HNF4G: variants seen among roughly 807,000 people sequenced by gnomAD.
HNF4G encodes hepatocyte nuclear factor 4 gamma.
In HNF4G, 21 loss-of-function variants were observed where a neutral mutation model predicts 50.9. That is an observed-to-expected ratio of 0.41 (90% CI 0.29 to 0.59). The LOEUF (loss-of-function observed/expected upper bound fraction) is 0.59. Among genes scored for constraint, HNF4G ranks in the 20% least tolerant of loss-of-function variants. HNF4G has a pLI of 0.26. For missense variants in HNF4G, 527 were observed against 559.4 expected, an observed-to-expected ratio of 0.94 and a Z score of 0.58; for synonymous variants, 198 against 185.6, an observed-to-expected ratio of 1.07 and a Z score of -0.54.
At chr8:75,498,803 A>G (rs1812849273) in intron 2 of HNF4G, among the ~76,000 whole-genome samples, 1 of 152,128 alleles carries the variant, frequency 6.6e-6, no homozygotes, top group South Asian at 2.1e-4. Context: ...CCACATGATC[A>G]TCTCAGTAGA....
chr8:75,559,613 C>T (rs111465493), intron 8 of HNF4G, among the ~76,000 whole-genome samples: 2 of 152,212 alleles, frequency 1.3e-5, no homozygotes, highest in Admixed American at 6.5e-5. Context: ...CTCTATTCCA[C>T]AGTCCCTCTG....
intron 2 of HNF4G, among the ~76,000 whole-genome samples, chr8:75,507,999 C>A (rs1585906190): frequency 6.8e-6 from 1 of 145,990 alleles, no homozygotes. Context: ...ATATAATGAA[C>A]AGAATAAAAT....
chr8:75,454,950 T>C (rs558792984), intron 1 of HNF4G, among the ~76,000 whole-genome samples: 199 of 152,304 alleles, frequency 1.3e-3, no homozygotes, highest in African/African-American at 4.5e-3. Context: ...AAACACACTA[T>C]ATAGAAACAC....
intron 2 of HNF4G, among the ~76,000 whole-genome samples, chr8:75,497,886 T>C (rs1276523167): frequency 1.3e-5 from 2 of 152,096 alleles, no homozygotes; most frequent in East Asian, 3.8e-4. Flanking sequence ...TCAAAAAATG[T>C]ATAAACACTA....
chr8:75,533,653 C>A (rs1442458995), intron 2 of HNF4G, among the ~76,000 whole-genome samples: 1 of 151,730 alleles, frequency 6.6e-6, no homozygotes, highest in Non-Finnish European at 1.5e-5. Context: ...AGAAACCAAC[C>A]AACACTATTT....
intron 1 of HNF4G, among the ~76,000 whole-genome samples, chr8:75,541,691 T>C (rs1412981877): frequency 6.6e-6 from 1 of 152,084 alleles, no homozygotes; most frequent in Non-Finnish European, 1.5e-5. Context: ...GAAGTTTTAT[T>C]ACATATATTT....
intron 2 of HNF4G, among the ~76,000 whole-genome samples, chr8:75,526,206 GA>G: frequency 6.6e-6 from 1 of 151,790 alleles, no homozygotes; most frequent in African/African-American, 2.4e-5. Context: ...ATGGCTCACT[GA>G]AACCTCAATC....
intron 2 of HNF4G, among the ~76,000 whole-genome samples, chr8:75,501,591 T>C (rs1398914324): frequency 6.6e-6 from 1 of 152,194 alleles, no homozygotes; most frequent in Non-Finnish European, 1.5e-5. Context: ...TCAGTAATAG[T>C]GTGTAGACAT....
intron 7 of HNF4G, 65 bp downstream of exon 7, chr8:75,558,735 A>T: frequency 6.3e-7 from 1 of 1,579,472 alleles, no homozygotes; most frequent in Admixed American, 1.7e-5. Flanking sequence ...TCAATATTAG[A>T]ATATTTATTG....
intron 1 of HNF4G, among the ~76,000 whole-genome samples, chr8:75,480,004 GA>G (rs1812337742): frequency 1.3e-5 from 2 of 151,440 alleles, no homozygotes; most frequent in East Asian, 3.9e-4. Flanking sequence ...TGATGTTATA[GA>G]AAAAAGTGTT....
intron 2 of HNF4G, among the ~76,000 whole-genome samples, chr8:75,532,750 A>G (rs1806362035): frequency 6.6e-6 from 1 of 152,184 alleles, no homozygotes; most frequent in East Asian, 1.9e-4. Flanking sequence ...TCCCACTGAA[A>G]TACCCATGAC....
At position 75,547,615 on chromosome 8, in the gene HNF4G, G is replaced by A. The variant is rs753631527; in HGVS notation, c.316G>A (p.Asp106Asn). 1 of 1,611,956 alleles carries A rather than the reference G, an allele frequency of 6.2e-7. No individual in the cohort carries two copies. ...CAGTCGGCAATGTGTTGTTGACAAGGACAAAAGGAATCAATGTAGATATTG... is the reference window on the plus strand; with the variant it reads ...CAGTCGGCAATGTGTTGTTGACAAGAACAAAAGGAATCAATGTAGATATTG... ...RFSRQCVVDK[D>N]KRNQCRYCRL... The change falls in exon 3 of 10, where the codon GAC (aspartate) becomes AAC (asparagine). Residue 106 changes from aspartate (D) to asparagine (N), a missense_variant. Around this residue, in one of 5 missense-constraint regions of HNF4G, gnomAD observed 128 missense variants for 135.3 expected, o/e 0.95. Coordinates refer to ENST00000396423, the MANE Select transcript of HNF4G (RefSeq NM_004133.5).
chr8:75,481,121 C>G (rs1482418640), intron 1 of HNF4G, among the ~76,000 whole-genome samples: 2 of 152,140 alleles, frequency 1.3e-5, no homozygotes, highest in African/African-American at 4.8e-5. Flanking sequence ...CCACACAATT[C>G]TGACTTTGTA....
chr8:75,483,525 A>C (rs1186785170), intron 1 of HNF4G, among the ~76,000 whole-genome samples: 1 of 152,084 alleles, frequency 6.6e-6, no homozygotes, highest in Admixed American at 6.5e-5. Context: ...TTCTTTTCTC[A>C]GCTTTTGTTA....
At chr8:75,552,565 A>G (rs1563552213) in intron 4 of HNF4G, among the ~76,000 whole-genome samples, 1 of 152,126 alleles carries the variant, frequency 6.6e-6, no homozygotes, top group Non-Finnish European at 1.5e-5. Context: ...ATGCAGCGAG[A>G]CAAATAGTTC....
At chr8:75,537,680 A>C (rs150942280), upstream of HNF4G, among the ~76,000 whole-genome samples, 2 of 152,154 alleles carry the variant, frequency 1.3e-5, no homozygotes, top group East Asian at 3.9e-4. Context: ...TTTGCTTTGG[A>C]TTGCCTTATG....
At chr8:75,474,292 G>A (rs1167673666) in intron 1 of HNF4G, among the ~76,000 whole-genome samples, 1 of 152,152 alleles carries the variant, frequency 6.6e-6, no homozygotes, top group Non-Finnish European at 1.5e-5. Context: ...TACTACTTTT[G>A]TGTTAGTAAC....
intron 1 of HNF4G, among the ~76,000 whole-genome samples, chr8:75,472,124 T>C (rs1478360649): frequency 6.6e-6 from 1 of 152,192 alleles, no homozygotes; most frequent in African/African-American, 2.4e-5. Flanking sequence ...CCTTCCTCCC[T>C]ACCTCTTACC....
At chr8:75,534,857 AG>A (rs1354026286) in intron 2 of HNF4G, among the ~76,000 whole-genome samples, 5 of 151,844 alleles carry the variant, frequency 3.3e-5, no homozygotes, top group African/African-American at 1.2e-4. Flanking sequence ...CTGTAAGCAA[AG>A]CTGTATTATT....
Sources: allele counts gnomAD v4.1 joint callset (sites outside exome capture counted in the v4.1 genomes callset), GRCh38; gene constraint gnomAD v4.1.1; regional missense constraint gnomAD v4.1.1; transcripts MANE v1.5; gene names NCBI Gene and HGNC (gene_info 2026-07-23, HGNC 2026-07-21).